Variants in RIN3 observed in about 807,000 individuals in gnomAD.
RIN3 encodes the protein RAB5 interacting protein 3.
Under a neutral mutation model 76.3 loss-of-function variants are expected in RIN3, and 54 were observed. The observed-to-expected ratio is 0.71, with a 90% CI of 0.57 to 0.89. RIN3 has a LOEUF of 0.89. RIN3 is among the 40% of genes least tolerant of loss of function. The pLI is 0.00. For missense variants in RIN3, 1,256 were observed against 1,322.1 expected (o/e 0.95, Z 0.78); for synonymous variants, 576 against 564.0 (o/e 1.02, Z -0.30).
At chr14:92,580,436 T>C (rs1898400339) in intron 3 of RIN3, among the ~76,000 whole-genome samples, 1 of 152,328 alleles carries the variant, frequency 6.6e-6, no homozygotes, top group South Asian at 2.1e-4. Flanking sequence ...GCCCACTCTG[T>C]GCCAGGCACT....
At chr14:92,594,008 A>G (rs1885072005) in intron 3 of RIN3, among the ~76,000 whole-genome samples, 1 of 152,216 alleles carries the variant, frequency 6.6e-6, no homozygotes, top group Non-Finnish European at 1.5e-5. Context: ...AATCAACTGG[A>G]TATGGTGGAC....
chr14:92,673,509 C>CTTT (rs34245765), intron 7 of RIN3, among the ~76,000 whole-genome samples: 2 of 146,856 alleles, frequency 1.4e-5, no homozygotes, highest in African/African-American at 5.0e-5. Context: ...AAAATATCCA[C>CTTT]TTTTTTTTTT....
At chr14:92,549,887 C>G (rs1404707451) in intron 1 of RIN3, among the ~76,000 whole-genome samples, 1 of 152,224 alleles carries the variant, frequency 6.6e-6, no homozygotes, top group Non-Finnish European at 1.5e-5. Flanking sequence ...TGCTCCAAAG[C>G]TTCCAAGGCT....
intron 7 of RIN3, among the ~76,000 whole-genome samples, chr14:92,667,477 A>G (rs1888147795): frequency 6.6e-6 from 1 of 151,792 alleles, no homozygotes; most frequent in Non-Finnish European, 1.5e-5. Context: ...AGATCACACC[A>G]TTGCACTCCA....
intron 7 of RIN3, among the ~76,000 whole-genome samples, chr14:92,670,869 T>C (rs1365061880): frequency 6.6e-6 from 1 of 152,176 alleles, no homozygotes; most frequent in Non-Finnish European, 1.5e-5. Flanking sequence ...ATTGTGGAAA[T>C]ATTTAGATCA....
At chr14:92,593,238 G>C (rs1244001347) in intron 3 of RIN3, among the ~76,000 whole-genome samples, 3 of 152,158 alleles carry the variant, frequency 2.0e-5, no homozygotes, top group South Asian at 2.1e-4. Context: ...GGCAGAAAAA[G>C]AGTGGAAGAC....
In RIN3 at chr14:92,557,846, C is replaced by T. The variant is rs976278812; in HGVS notation, c.249+1891C>T. Among the ~76,000 whole-genome samples the T allele has an allele frequency of 4.6e-5, 7 of 152,212 alleles. No homozygotes were observed. The South Asian group carries it at 6.2e-4, about 14-fold the overall frequency. ...CCACCCTTGCTGGGAGGATGCAGCT[C>T]GAAACCAGCCCAAGGGGAAAATTTT... On this transcript the variant is annotated intron_variant, in intron 2 of 9. Transcript: ENST00000216487.
intron 1 of RIN3, among the ~76,000 whole-genome samples, chr14:92,520,936 G>A (rs1896581457): frequency 1.5e-5 from 2 of 134,206 alleles, no homozygotes; most frequent in Admixed American, 1.4e-4. Flanking sequence ...CTCTACCGAT[G>A]GCATCTGGTG....
chr14:92,554,679 G>C (rs71430768), intron 1 of RIN3, among the ~76,000 whole-genome samples: 2,013 of 152,260 alleles, frequency 0.013, 23 homozygotes, highest in Admixed American at 0.025. Context: ...CCAGTACTTC[G>C]GGAGGCCGAG....
intron 2 of RIN3, among the ~76,000 whole-genome samples, chr14:92,565,839 C>A (rs1221906737): frequency 6.6e-6 from 1 of 152,158 alleles, no homozygotes; most frequent in Non-Finnish European, 1.5e-5. Flanking sequence ...GACCTCCTGT[C>A]TTATCCTGTG....
chr14:92,656,714 G>A lies in RIN3; in HGVS notation c.2027-2447G>A, dbSNP rs1429839362. ...GGCAGTGAGAGGTGGCAGCTGAGCT[G>A]AGCCACCAAGGATGGGAAGGGCTGG... On this transcript the variant is annotated intron_variant, in intron 6 of 9. Coordinates refer to ENST00000216487, the MANE Select transcript of RIN3 (RefSeq NM_024832.5). This position sits in a 1 kb window ranked among gnomAD's most constrained non-coding sequence, Gnocchi z 5.2. Among the ~76,000 whole-genome samples the A allele has an allele frequency of 2.0e-5, 3 of 152,206 alleles. No individual in the cohort carries two copies. The highest frequency in any genetic ancestry group is 1.3e-4 in the Admixed American group (2 of 15,284).
chr14:92,645,488 G>T (rs1477999374), intron 5 of RIN3, among the ~76,000 whole-genome samples: 1 of 152,246 alleles, frequency 6.6e-6, no homozygotes, highest in Non-Finnish European at 1.5e-5. Flanking sequence ...AACATGCTAA[G>T]TGAAGGGAGC....
intron 7 of RIN3, among the ~76,000 whole-genome samples, chr14:92,662,453 G>A (rs1234100408): frequency 6.6e-6 from 1 of 152,240 alleles, no homozygotes; most frequent in African/African-American, 2.4e-5. Context: ...GCTTGTGGCT[G>A]TGTTCAGATG....
In RIN3 at chr14:92,685,136, C is replaced by T. The variant is rs1382276742; in HGVS notation, c.2617C>T (p.Arg873Cys). Residue 873 changes from arginine to cysteine, a missense_variant, in exon 9 of 10, where the codon CGC becomes TGC. Physicochemically the swap from Arg to Cys is radical, Grantham distance 180 (BLOSUM62 -3). Around this residue, in one of 3 missense-constraint regions of RIN3, gnomAD observed 218 missense variants for 174.5 expected, o/e 1.25. Transcript: ENST00000216487. This position sits in a 1 kb window ranked among gnomAD's most constrained non-coding sequence, Gnocchi z 4.7. ...RRTLNKARAS[R>C]SSVQDFICVS... ...TACTCTCAACAAGGCCCGGGCCTCCCGCTCCTCCGTACAGGTGAGGCCTGA... is the reference window on the plus strand; with the variant it reads ...TACTCTCAACAAGGCCCGGGCCTCCTGCTCCTCCGTACAGGTGAGGCCTGA... 7 of 1,611,400 alleles carry T rather than the reference C, an allele frequency of 4.3e-6. No homozygotes were observed. Among genetic ancestry groups the T allele is most frequent in the South Asian group, 1.1e-5 (1 of 90,910 alleles).
intron 6 of RIN3, among the ~76,000 whole-genome samples, chr14:92,654,502 C>T (rs1353263979): frequency 2.0e-5 from 3 of 152,150 alleles, no homozygotes; most frequent in Non-Finnish European, 4.4e-5. Context: ...GTGCTGGGTA[C>T]GGTAAAGGAC....
chr14:92,560,736 G>A lies in RIN3; in HGVS notation c.249+4781G>A, dbSNP rs150603658. Among the ~76,000 whole-genome samples, 466 of 152,034 alleles carry A rather than the reference G, an allele frequency of 3.1e-3. 2 individuals are homozygous for A. The highest frequency in any genetic ancestry group is 0.011 in the African/African-American group (438 of 41,490). On this transcript the variant is annotated intron_variant, in intron 2 of 9. Coordinates refer to ENST00000216487, the MANE Select transcript of RIN3 (RefSeq NM_024832.5). ...CATTGTTTCTAAAGATACAGACACC[G>A]GGCCGGATGCGGTGGCTCATGTCTA...
chr14:92,628,854 T>C (rs557043825), intron 4 of RIN3, among the ~76,000 whole-genome samples: 44 of 152,206 alleles, frequency 2.9e-4, no homozygotes, highest in Non-Finnish European at 6.3e-4. Flanking sequence ...CATTCATTCC[T>C]AGGCCTTCAG....
rs1887094124 is a variant in RIN3, at chr14:92,643,650, G to A, written c.532+2321G>A. Among the ~76,000 whole-genome samples, 1 of 152,192 alleles carries A rather than the reference G, an allele frequency of 6.6e-6. No homozygotes were observed. The highest frequency in any genetic ancestry group is 6.5e-5 in the Admixed American group (1 of 15,272). On this transcript the variant is annotated intron_variant, in intron 5 of 9. Transcript: ENST00000216487. The surrounding 1 kb of genome is among the most constrained non-coding windows in gnomAD (Gnocchi z 4.8). ...GCATTTTAAAGATAGAACACTGGCT[G>A]GACACAGTGGCTCATGCCTATAATC... is the stretch of plus-strand genomic sequence containing the variant.
intron 4 of RIN3, among the ~76,000 whole-genome samples, chr14:92,633,274 C>G (rs545113685): frequency 6.6e-6 from 1 of 152,276 alleles, no homozygotes; most frequent in African/African-American, 2.4e-5. Context: ...TTGCAAGGAT[C>G]ATGGGGCCTG....
Sources: allele counts gnomAD v4.1 joint callset (sites outside exome capture counted in the v4.1 genomes callset), GRCh38; gene constraint gnomAD v4.1.1; regional missense constraint gnomAD v4.1.1; non-coding constraint Gnocchi (gnomAD v3.1); transcripts MANE v1.5; gene names NCBI Gene and HGNC (gene_info 2026-07-23, HGNC 2026-07-21).